Variants in SLC35F4 observed in about 807,000 individuals in gnomAD.
The protein encoded by SLC35F4 is chromosome 14 open reading frame 36.
SLC35F4 carries 24 observed loss-of-function variants against 44.2 expected under a neutral mutation model. The ratio of observed to expected loss-of-function variants is 0.54; its 90% CI spans 0.39 to 0.76. SLC35F4 has a LOEUF of 0.76. Among genes scored for constraint, SLC35F4 ranks in the 30% least tolerant of loss-of-function variants. The probability of loss-of-function intolerance (pLI) is 0.00; values close to 1 mark genes in which losing one functional copy is unlikely to be tolerated. For synonymous variants in SLC35F4, 238 were observed against 223.6 expected (o/e 1.06, Z -0.57); for missense variants, 562 against 586.1 (o/e 0.96, Z 0.42).
intron 1 of SLC35F4, among the ~76,000 whole-genome samples, chr14:57,875,887 T>A (rs1446403448): frequency 6.6e-6 from 1 of 152,224 alleles, no homozygotes; most frequent in Non-Finnish European, 1.5e-5. Flanking sequence ...TTAAGCAGAT[T>A]GATCAGAGAC....
At chr14:57,976,653 A>T (rs10135339), downstream of SLC35F4, 54,550 of 152,060 alleles carry the variant, frequency 0.36, 10,368 homozygotes, top group African/African-American at 0.5. Context: ...GACAACCATG[A>T]ACTTAAATGA....
chr14:57,864,812 C>T (rs758201329), intron 1 of SLC35F4, among the ~76,000 whole-genome samples: 4 of 152,230 alleles, frequency 2.6e-5, no homozygotes, highest in Non-Finnish European at 5.9e-5. Flanking sequence ...ACCGCAGCTA[C>T]TCCTCCAATT....
chr14:57,837,431 T>C (rs1885045707), intron 1 of SLC35F4: 1 of 152,194 alleles, frequency 6.6e-6, no homozygotes, highest in Non-Finnish European at 1.5e-5. Flanking sequence ...TCAAATACTG[T>C]AGTTCTCCTA....
At chr14:57,714,993 G>A (rs1407718457) in intron 1 of SLC35F4, among the ~76,000 whole-genome samples, 1 of 152,164 alleles carries the variant, frequency 6.6e-6, no homozygotes, top group African/African-American at 2.4e-5. Flanking sequence ...TTTGCTGGGA[G>A]AGGAGTCAAA....
intron 1 of SLC35F4, among the ~76,000 whole-genome samples, chr14:57,818,785 A>G (rs1882874099): frequency 6.6e-6 from 1 of 152,190 alleles, no homozygotes; most frequent in South Asian, 2.1e-4. Flanking sequence ...GCTGATGAAT[A>G]TCAATTACAG....
chr14:57,915,337 C>T (rs1162849944), intron 1 of SLC35F4, among the ~76,000 whole-genome samples: 2 of 152,126 alleles, frequency 1.3e-5, no homozygotes, highest in African/African-American at 2.4e-5. Context: ...CACCTGGCTA[C>T]CTTCTATCTA....
chr14:57,871,012 A>T (rs10134404), upstream of SLC35F4, among the ~76,000 whole-genome samples: 1 of 152,112 alleles, frequency 6.6e-6, no homozygotes. Flanking sequence ...ACTTCATACT[A>T]GGAAAGGGAC....
At chr14:57,772,355 GTTTTT>G (rs1027677567) in intron 1 of SLC35F4, among the ~76,000 whole-genome samples, 13 of 147,572 alleles carry the variant, frequency 8.8e-5, no homozygotes, top group Non-Finnish European at 1.5e-5. Context: ...AGCCTTCACT[GTTTTT>G]TTTGTTTGTT....
At chr14:57,645,349 G>A (rs1339766559) in intron 1 of SLC35F4, among the ~76,000 whole-genome samples, 1 of 152,012 alleles carries the variant, frequency 6.6e-6, no homozygotes, top group African/African-American at 2.4e-5. Context: ...CCCTTGTAAG[G>A]TGGATTCCTA....
At chr14:57,832,616 TATACA>T (rs1884493684) in intron 1 of SLC35F4, among the ~76,000 whole-genome samples, 1 of 152,324 alleles carries the variant, frequency 6.6e-6, no homozygotes, top group African/African-American at 2.4e-5. Flanking sequence ...ACCTCAAATA[TATACA>T]ATACAATTTA....
chr14:57,950,633 C>T (rs564356910), intron 1 of SLC35F4, among the ~76,000 whole-genome samples: 6 of 150,444 alleles, frequency 4.0e-5, no homozygotes, highest in Non-Finnish European at 8.8e-5. Flanking sequence ...CTTTTCCAGC[C>T]CATTGTCATT....
At chr14:57,608,122 G>C (rs2071272792) in intron 1 of SLC35F4, among the ~76,000 whole-genome samples, 1 of 152,106 alleles carries the variant, frequency 6.6e-6, no homozygotes, top group Non-Finnish European at 1.5e-5. Flanking sequence ...AGACAGATTT[G>C]GGCTGGAAAC....
At chr14:57,937,591 A>G (rs200210168) in intron 1 of SLC35F4, among the ~76,000 whole-genome samples, 1,959 of 16,316 alleles carry the variant, frequency 0.12, 16 homozygotes, top group Middle Eastern at 0.2. Context: ...GAAAAGAAAG[A>G]AAAGAAAAGA....
At chr14:57,851,212 T>C (rs185313714) in intron 1 of SLC35F4, among the ~76,000 whole-genome samples, 9 of 152,386 alleles carry the variant, frequency 5.9e-5, no homozygotes, top group Admixed American at 4.6e-4. Context: ...AGTTCACTTA[T>C]ATTTTAACAA....
intron 1 of SLC35F4, among the ~76,000 whole-genome samples, chr14:57,690,827 C>A (rs982035204): frequency 2.0e-5 from 3 of 152,034 alleles, no homozygotes; most frequent in Non-Finnish European, 2.9e-5. Flanking sequence ...GATTCTAATG[C>A]CACTACTGAT....
At chr14:57,684,615 A>G (rs1196025980) in intron 1 of SLC35F4, among the ~76,000 whole-genome samples, 4 of 152,210 alleles carry the variant, frequency 2.6e-5, no homozygotes, top group African/African-American at 9.7e-5. Context: ...ACCAGTGTGC[A>G]GCCAGGAGGT....
At chr14:57,697,131 T>C (rs1404380848) in intron 1 of SLC35F4, among the ~76,000 whole-genome samples, 2 of 152,156 alleles carry the variant, frequency 1.3e-5, no homozygotes, top group Admixed American at 1.3e-4. Context: ...CTAAGCAGGT[T>C]TTAGATTCAT....
At chr14:57,770,350 T>C (rs973498808) in intron 1 of SLC35F4, among the ~76,000 whole-genome samples, 3 of 152,176 alleles carry the variant, frequency 2.0e-5, no homozygotes, top group African/African-American at 7.2e-5. Flanking sequence ...GCTTGCAGCA[T>C]TTGAGGTTGT....
intron 1 of SLC35F4, among the ~76,000 whole-genome samples, chr14:57,670,158 T>C (rs1427164014): frequency 6.6e-6 from 1 of 152,188 alleles, no homozygotes; most frequent in Non-Finnish European, 1.5e-5. Flanking sequence ...TTTGTATTTC[T>C]GTGGGATCAG....
Sources: allele counts gnomAD v4.1 joint callset (sites outside exome capture counted in the v4.1 genomes callset), GRCh38; gene constraint gnomAD v4.1.1; transcripts MANE v1.5; gene names NCBI Gene and HGNC (gene_info 2026-07-23, HGNC 2026-07-21).